Variants in POLR3B observed in about 807,000 individuals in gnomAD.
The protein encoded by POLR3B is RNA polymerase III subunit B.
Under a neutral mutation model 147.4 loss-of-function variants are expected in POLR3B, and 96 were observed. The ratio of observed to expected loss-of-function variants is 0.65; its 90% CI spans 0.55 to 0.77. The LOEUF is 0.77. Among genes scored for constraint, POLR3B ranks in the 30% least tolerant of loss-of-function variants. The pLI, the probability that POLR3B is intolerant of heterozygous loss-of-function variation, is 0.00. For synonymous variants in POLR3B, 461 were observed against 485.9 expected (o/e 0.95, Z 0.67); for missense variants, 1,036 against 1,413.5 (o/e 0.73, Z 4.28).
rs1236135691 is a variant in POLR3B, at chr12:106,496,042, T to A, written c.2714-13T>A. 1.3e-6 allele frequency: 2 copies of A among 1,532,564 alleles called. No homozygotes were observed. The highest frequency in any genetic ancestry group is 9.0e-7 in the Non-Finnish European group (1 of 1,105,684). The allele number at this position is 1,532,564 out of a possible 1,614,324, so 94.9% of individuals were successfully genotyped here. Reference sequence around the variant, plus strand: ...AACTTGCTTTATGTGGCATGAAATCTTCTCTCCCCCAGGTGTTTGTGGCTT... The same window carrying A: ...AACTTGCTTTATGTGGCATGAAATCATCTCTCCCCCAGGTGTTTGTGGCTT... On this transcript the variant is annotated splice_polypyrimidine_tract_variant and intron_variant, in intron 23 of 27. Transcript: ENST00000228347.
At chr12:106,432,148 A>G (rs1294512821) in intron 14 of POLR3B, among the ~76,000 whole-genome samples, 170 bp from the exon 15 acceptor site, 1 of 152,156 alleles carries the variant, frequency 6.6e-6, no homozygotes, top group Non-Finnish European at 1.5e-5. Flanking sequence ...CCCCTGAGTT[A>G]AGGGATATAT....
At chr12:106,371,382 G>A (rs376287107) in intron 6 of POLR3B, among the ~76,000 whole-genome samples, 1 of 152,102 alleles carries the variant, frequency 6.6e-6, no homozygotes, top group Non-Finnish European at 1.5e-5. Flanking sequence ...TCAGTGTGGC[G>A]ATTCCTCAGG....
chr12:106,404,913 G>C (rs2037128674), intron 10 of POLR3B, among the ~76,000 whole-genome samples: 1 of 152,076 alleles, frequency 6.6e-6, no homozygotes, highest in Admixed American at 6.5e-5. Flanking sequence ...TTTTATATTT[G>C]TTTTGAGGTA....
rs1451106420 is a variant in POLR3B, at chr12:106,421,934, A to C, written c.1102-5263A>C. On this transcript the variant is annotated intron_variant, in intron 12 of 27. Coordinates refer to ENST00000228347, the MANE Select transcript of POLR3B (RefSeq NM_018082.6). ...AGGCTGGTCTCGAACTCCTGACCTC[A>C]AGTGATCCACCCGTCTCAGCCTCCC... is the stretch of plus-strand genomic sequence containing the variant. Among the ~76,000 whole-genome samples, 8 of 152,120 alleles carry C rather than the reference A, an allele frequency of 5.3e-5. 1 individual carries two copies. The highest frequency in any genetic ancestry group is 1.2e-4 in the Non-Finnish European group (8 of 68,000).
chr12:106,458,377 G>T (rs1335154581), intron 21 of POLR3B, among the ~76,000 whole-genome samples: 2 of 152,072 alleles, frequency 1.3e-5, no homozygotes, highest in Non-Finnish European at 2.9e-5. Flanking sequence ...ACCCACCTCG[G>T]CTTCCCAAAG....
At chr12:106,430,230 G>A in intron 13 of POLR3B, 43 bp from the exon 14 acceptor site, 1 of 1,490,132 alleles carries the variant, frequency 6.7e-7, no homozygotes, top group Non-Finnish European at 9.4e-7. Context: ...AGACAACATA[G>A]GATTGGGTTA....
At chr12:106,392,936 A>C in intron 9 of POLR3B, 95 bp from the exon 10 acceptor site, 1 of 1,513,276 alleles carries the variant, frequency 6.6e-7, no homozygotes, top group Non-Finnish European at 9.1e-7. Flanking sequence ...TTTTGCTTAG[A>C]AGTAATACCC....
chr12:106,467,629 C>A (rs550338511), intron 23 of POLR3B, among the ~76,000 whole-genome samples: 1 of 152,212 alleles, frequency 6.6e-6, no homozygotes, highest in South Asian at 2.1e-4. Context: ...TATGTTCCAT[C>A]GATACCTGGT....
rs1348655903 is a variant in POLR3B, at chr12:106,463,573, G to A, written c.2666G>A (p.Arg889Lys). Reference sequence around the variant, plus strand: ...ATCAAAATGCTGCTGAGACAGACAAGGCGTCCAGAAATTGGAGACAAATTC... The same window carrying A: ...ATCAAAATGCTGCTGAGACAGACAAAGCGTCCAGAAATTGGAGACAAATTC... Reference protein sequence around the residue: ...FLIKMLLRQTRRPEIGDKFSS... With the variant: ...FLIKMLLRQTKRPEIGDKFSS... Residue 889 changes from arginine (R) to lysine (K), a missense_variant, in exon 23 of 28, where the codon AGG (arginine) becomes AAG (lysine). Arg to Lys is a conservative substitution (Grantham distance 26). This residue lies in a region of POLR3B where 202 missense variants were observed against 272.8 expected (regional missense o/e 0.74). Coordinates refer to ENST00000228347, the MANE Select transcript of POLR3B (RefSeq NM_018082.6). 6.2e-7 allele frequency: 1 copy of A among 1,613,674 alleles called. No individual in the cohort carries two copies. The highest frequency in any genetic ancestry group is 1.7e-5 in the Admixed American group (1 of 59,982).
intron 23 of POLR3B, among the ~76,000 whole-genome samples, chr12:106,465,359 G>A (rs1431960514): frequency 6.6e-6 from 1 of 152,170 alleles, no homozygotes; most frequent in African/African-American, 2.4e-5. Context: ...CAGTTTACAA[G>A]ACTAAGGTAC....
At chr12:106,413,969 G>A (rs2037265417) in intron 12 of POLR3B, among the ~76,000 whole-genome samples, 1 of 151,800 alleles carries the variant, frequency 6.6e-6, no homozygotes, top group Non-Finnish European at 1.5e-5. Flanking sequence ...GAAACATTCA[G>A]AAGAGTTAGA....
chr12:106,437,080 A>G lies in POLR3B; in HGVS notation c.1805A>G (p.Gln602Arg). 2 of 1,613,556 alleles carry G rather than the reference A, an allele frequency of 1.2e-6. No individual in the cohort carries two copies. The highest frequency in any genetic ancestry group is 1.7e-6 in the Non-Finnish European group (2 of 1,179,776). ...LCRPYIIVKK[Q>R]KPAVTNKHME... ...AGACCCTACATAATTGTCAAGAAAC[A>G]GAAGCCAGCAGTCACAAATAAACAT... The change falls in exon 17 of 28, where the codon CAG (glutamine) becomes CGG (arginine). Residue 602 changes from glutamine to arginine, a missense_variant. Gln to Arg is a conservative substitution (Grantham distance 43). Coordinates refer to ENST00000228347, the MANE Select transcript of POLR3B (RefSeq NM_018082.6).
At chr12:106,498,903 C>T (rs1041374854) in intron 25 of POLR3B, among the ~76,000 whole-genome samples, 6 of 152,180 alleles carry the variant, frequency 3.9e-5, no homozygotes, top group Non-Finnish European at 8.8e-5. Context: ...ACCACTTGAA[C>T]ACTAGTGAAA....
chr12:106,391,729 G>A (rs1019855874), intron 9 of POLR3B, among the ~76,000 whole-genome samples: 1 of 152,160 alleles, frequency 6.6e-6, no homozygotes, highest in African/African-American at 2.4e-5. Flanking sequence ...TATTATATTA[G>A]CACAAACACC....
chr12:106,369,490 A>G lies in POLR3B; in HGVS notation c.304-93A>G, dbSNP rs7135054. The stretch of plus-strand genomic sequence containing the variant: ...AAAAAGGGATTAAAGTTCAATGTGG[A>G]CCATAATTCTACTACAGAAGGAGCA... On this transcript the variant is annotated intron_variant, in intron 5 of 27. Transcript: ENST00000228347. 306,066 of 968,654 alleles carry G rather than the reference A, an allele frequency of 0.32. 53,801 individuals are homozygous for G. Among genetic ancestry groups the G allele is most frequent in the African/African-American group, 0.61 (38,201 of 62,436 alleles). The allele number at this position is 968,654 out of a possible 1,614,324, so 60.0% of individuals were successfully genotyped here. A position where few individuals can be genotyped will look rare whatever the true frequency, so the allele number is the denominator to read the frequency against.
intron 23 of POLR3B, among the ~76,000 whole-genome samples, chr12:106,480,488 G>A (rs1377822070): frequency 2.0e-5 from 3 of 152,132 alleles, no homozygotes; most frequent in Non-Finnish European, 1.5e-5. Flanking sequence ...AGTCAGGCAG[G>A]GGCAGGGACT....
chr12:106,451,783 G>A (rs1191489501), intron 19 of POLR3B, among the ~76,000 whole-genome samples: 1 of 152,062 alleles, frequency 6.6e-6, no homozygotes, highest in African/African-American at 2.4e-5. Context: ...GCTTTTTCAT[G>A]CTGCCTTATA....
chr12:106,385,905 G>A (rs10861592), intron 9 of POLR3B, among the ~76,000 whole-genome samples: 49,262 of 152,020 alleles, frequency 0.32, 10,376 homozygotes, highest in African/African-American at 0.6. Flanking sequence ...ATATCAGAGG[G>A]CCCAGGAAGA....
chr12:106,474,542 C>A (rs1216625664), intron 23 of POLR3B, among the ~76,000 whole-genome samples: 1 of 141,546 alleles, frequency 7.1e-6, no homozygotes, highest in Non-Finnish European at 1.5e-5. Context: ...ACAATTTCAG[C>A]TCCTGTTATT....
Sources: allele counts gnomAD v4.1 joint callset (sites outside exome capture counted in the v4.1 genomes callset), GRCh38; gene constraint gnomAD v4.1.1; regional missense constraint gnomAD v4.1.1; transcripts MANE v1.5; gene names NCBI Gene and HGNC (gene_info 2026-07-23, HGNC 2026-07-21).